The following TMCC3 variants were observed in gnomAD, a reference collection of about 807,000 sequenced individuals.
The protein encoded by TMCC3 is transmembrane and coiled-coil domain protein 3.
In TMCC3, 28 loss-of-function variants were observed where a neutral mutation model predicts 40.2. The observed-to-expected ratio is 0.70, with a 90% CI of 0.52 to 0.95. The LOEUF is 0.95. TMCC3 is among the 40% of genes least tolerant of loss of function. TMCC3 has a pLI of 0.00. For missense variants in TMCC3, 554 were observed against 615.2 expected, an observed-to-expected ratio of 0.90 and a Z score of 1.05; for synonymous variants, 255 against 248.5, an observed-to-expected ratio of 1.03 and a Z score of -0.25.
intron 1 of TMCC3, among the ~76,000 whole-genome samples, chr12:94,619,828 T>C (rs2068865960): frequency 1.3e-5 from 2 of 152,198 alleles, no homozygotes; most frequent in Non-Finnish European, 1.5e-5. Context: ...AATAGATATG[T>C]ATATTTTGTG....
chr12:94,590,449 T>C (rs1312497818), intron 1 of TMCC3, among the ~76,000 whole-genome samples: 2 of 152,106 alleles, frequency 1.3e-5, no homozygotes, highest in African/African-American at 4.8e-5. Flanking sequence ...CCTACGCATT[T>C]ACAATCACTA....
chr12:94,614,171 G>A (rs978408379), intron 1 of TMCC3, among the ~76,000 whole-genome samples: 6 of 151,484 alleles, frequency 4.0e-5, no homozygotes, highest in East Asian at 3.9e-4. Flanking sequence ...TGCTTAAGCT[G>A]TAGAATGAAT....
intron 1 of TMCC3, among the ~76,000 whole-genome samples, chr12:94,617,955 T>C (rs2068856231): frequency 6.6e-6 from 1 of 152,228 alleles, no homozygotes; most frequent in South Asian, 2.1e-4. Flanking sequence ...GTAAAGGTCT[T>C]AAGTCATGTT....
At chr12:94,618,541 G>A (rs1433214115) in intron 1 of TMCC3, among the ~76,000 whole-genome samples, 2 of 152,336 alleles carry the variant, frequency 1.3e-5, no homozygotes, top group South Asian at 4.1e-4. Flanking sequence ...ATCCAATTCA[G>A]AGCTAATGGT....
chr12:94,638,146 C>T (rs536813241), intron 1 of TMCC3, among the ~76,000 whole-genome samples: 20 of 152,288 alleles, frequency 1.3e-4, no homozygotes, highest in South Asian at 1.0e-3. Flanking sequence ...CAAGACACTA[C>T]GCAAAATATA....
chr12:94,615,942 C>T, intron 1 of TMCC3: 1 of 985,484 alleles, frequency 1.0e-6, no homozygotes, highest in Non-Finnish European at 1.2e-6. Flanking sequence ...CACAGCAAAC[C>T]CAGGAGCAGA....
chr12:94,590,450 A>G (rs914797670), intron 1 of TMCC3, among the ~76,000 whole-genome samples: 3 of 152,136 alleles, frequency 2.0e-5, no homozygotes, highest in African/African-American at 7.2e-5. Flanking sequence ...CTACGCATTT[A>G]CAATCACTAA....
chr12:94,601,379 A>C (rs1452508868), intron 1 of TMCC3, among the ~76,000 whole-genome samples: 2 of 151,992 alleles, frequency 1.3e-5, no homozygotes, highest in Non-Finnish European at 2.9e-5. Flanking sequence ...GCTGGGCATG[A>C]TGGTAGATGC....
At chr12:94,650,230 C>A (rs1396074750) in intron 1 of TMCC3, 123 bp downstream of exon 1, 5 of 498,732 alleles carry the variant, frequency 1.0e-5, no homozygotes, top group Non-Finnish European at 1.4e-5. Context: ...CACGGACCTC[C>A]GGCGGCAGCG....
intron 1 of TMCC3, among the ~76,000 whole-genome samples, chr12:94,632,451 T>C (rs962211206): frequency 1.3e-5 from 2 of 152,222 alleles, no homozygotes; most frequent in African/African-American, 4.8e-5. Context: ...ACAAACTACA[T>C]ACAAATACCA....
rs1487118108 is a variant in TMCC3 at position 94,650,387 on chromosome 12, G to A, written c.44C>T (p.Ser15Leu). Residue 15 changes from serine to leucine, a missense_variant, in exon 1 of 4, where the codon TCG becomes TTG. Physicochemically the swap from Ser to Leu is moderately radical, Grantham distance 145 (BLOSUM62 -2). Coordinates refer to ENST00000261226, the MANE Select transcript of TMCC3 (RefSeq NM_020698.4). ...DTALTVDRTY[S>L]YPGRHHRCKS... ...GCAGCGGTGGTGCCGGCCGGGGTACGAGTAGGTCCGGTCCACGGTGAGCGC... is the reference window on the plus strand; with the variant it reads ...GCAGCGGTGGTGCCGGCCGGGGTACAAGTAGGTCCGGTCCACGGTGAGCGC... 7.4e-7 allele frequency: 1 copy of A among 1,343,606 alleles called. No individual in the cohort carries two copies. The highest frequency in any genetic ancestry group is 9.6e-7 in the Non-Finnish European group (1 of 1,040,550). 83.2% of individuals were successfully genotyped at this position (1,343,606 alleles called of 1,614,324 possible).
chr12:94,578,181 GAAAA>G (rs369706888), intron 3 of TMCC3, among the ~76,000 whole-genome samples: 1 of 111,966 alleles, frequency 8.9e-6, no homozygotes, highest in African/African-American at 3.4e-5. Flanking sequence ...AAAAGAAAAA[GAAAA>G]AAAAAAGAAT....
intron 1 of TMCC3, among the ~76,000 whole-genome samples, chr12:94,642,892 C>A (rs1420669665): frequency 1.3e-5 from 2 of 152,046 alleles, no homozygotes; most frequent in African/African-American, 2.4e-5. Flanking sequence ...CGGCAGGGTA[C>A]ACTATAGAAA....
At chr12:94,575,667 C>A (rs1281107167) in intron 3 of TMCC3, among the ~76,000 whole-genome samples, 3 of 152,168 alleles carry the variant, frequency 2.0e-5, no homozygotes, top group Non-Finnish European at 4.4e-5. Context: ...TGTTAAAACA[C>A]AGAAGAACAA....
chr12:94,644,212 G>A lies in TMCC3; in HGVS notation c.78+6141C>T, dbSNP rs375589220. Among the ~76,000 whole-genome samples, 59 of 152,292 alleles carry A rather than the reference G, an allele frequency of 3.9e-4. 2 individuals are homozygous for A. The East Asian group carries it at 0.011, about 28-fold the overall frequency. ...TCCTGATGTTCTCTTTCGAAGGAAT[G>A]AAAAGTCCTCATTCTGATTCACAGT... On this transcript the variant is annotated intron_variant, in intron 1 of 3. Transcript: ENST00000261226.
chr12:94,626,782 G>A (rs976312517), intron 1 of TMCC3, among the ~76,000 whole-genome samples: 4 of 152,090 alleles, frequency 2.6e-5, no homozygotes, highest in Admixed American at 6.6e-5. Context: ...TTGTATTTAC[G>A]TTATCTTACA....
At chr12:94,593,249 C>T (rs2068689900) in intron 1 of TMCC3, among the ~76,000 whole-genome samples, 1 of 150,120 alleles carries the variant, frequency 6.7e-6, no homozygotes, top group African/African-American at 2.5e-5. Flanking sequence ...TGCCTGTAAT[C>T]CCAGCTACTC....
intron 1 of TMCC3, among the ~76,000 whole-genome samples, chr12:94,604,305 A>T (rs2068769664): frequency 6.6e-6 from 1 of 152,200 alleles, no homozygotes; most frequent in Non-Finnish European, 1.5e-5. Context: ...TTGCTTACTT[A>T]GACCAAATTG....
At chr12:94,611,771 A>AG (rs11451828) in intron 1 of TMCC3, among the ~76,000 whole-genome samples, 15,906 of 148,686 alleles carry the variant, frequency 0.11, 1,989 homozygotes, top group African/African-American at 0.3. Context: ...AATAATGACA[A>AG]AAAAAAAAAC....
Sources: gnomAD v4.1 joint callset for allele counts (sites outside exome capture counted in the v4.1 genomes callset) on GRCh38, gnomAD v4.1.1 for gene constraint, MANE v1.5 for transcripts, NCBI Gene and HGNC (gene_info 2026-07-23, HGNC 2026-07-21) for gene names.